LRRC7: variants seen among roughly 807,000 people sequenced by gnomAD.
The protein encoded by LRRC7 is leucine-rich repeat-containing protein 7.
LRRC7 carries 23 observed loss-of-function variants against 175.7 expected under a neutral mutation model. The observed-to-expected ratio is 0.13, with a 90% CI of 0.09 to 0.19. The LOEUF is 0.19. Ranked by LOEUF, LRRC7 falls within the 10% of genes least tolerant of loss-of-function variation. LRRC7 has a pLI of 1.00. For synonymous variants in LRRC7, 685 were observed against 680.9 expected (o/e 1.01, Z -0.09); for missense variants, 1,354 against 1,904.7 (o/e 0.71, Z 5.38).
chr1:69,670,493 A>C (rs577721238), intron 1 of LRRC7, among the ~76,000 whole-genome samples: 2 of 152,198 alleles, frequency 1.3e-5, no homozygotes, highest in African/African-American at 4.8e-5. Flanking sequence ...ACTGGGCCTC[A>C]CTGTAACCAC....
At chr1:69,719,757 C>CA (rs1201643614) in intron 2 of LRRC7, among the ~76,000 whole-genome samples, 1 of 151,300 alleles carries the variant, frequency 6.6e-6, no homozygotes, top group African/African-American at 2.4e-5. Context: ...TCAAACAATA[C>CA]AAAAAAGTAT....
intron 7 of LRRC7, among the ~76,000 whole-genome samples, chr1:69,913,833 A>C (rs1557881699): frequency 1.3e-5 from 2 of 152,142 alleles, no homozygotes; most frequent in Non-Finnish European, 2.9e-5. Context: ...TTTTTAAAGA[A>C]TATAAAATCC....
rs1666811555 is a variant in LRRC7, at chr1:70,135,070, T to G, written c.*13183T>G. Among the ~76,000 whole-genome samples, 1 of 152,262 alleles carries G rather than the reference T, an allele frequency of 6.6e-6. No individual in the cohort carries two copies. The highest frequency in any genetic ancestry group is 1.5e-5 in the Non-Finnish European group (1 of 68,042). ...CTGAAGAGTATAAGAGAAAACGTCT[T>G]GAAAGTTTGTATGTATGTATTCCAG... On this transcript the variant is annotated 3_prime_UTR_variant, in exon 27 of 27. Transcript: ENST00000651989.
chr1:69,710,009 G>A (rs1260187270), intron 2 of LRRC7, among the ~76,000 whole-genome samples: 2 of 152,094 alleles, frequency 1.3e-5, no homozygotes, highest in African/African-American at 4.8e-5. Context: ...CCGGTGTGGT[G>A]TCTTACACCT....
At chr1:69,921,707 C>T (rs942593895) in intron 7 of LRRC7, among the ~76,000 whole-genome samples, 2 of 152,158 alleles carry the variant, frequency 1.3e-5, no homozygotes, top group Non-Finnish European at 2.9e-5. Flanking sequence ...CCCCATTGCC[C>T]ACATCATTCC....
intron 8 of LRRC7, among the ~76,000 whole-genome samples, chr1:69,934,350 TA>T: frequency 6.6e-6 from 1 of 152,122 alleles, no homozygotes; most frequent in African/African-American, 2.4e-5. Flanking sequence ...ATGTCCCAAA[TA>T]AGATTCAGAG....
At chr1:69,942,988 T>C (rs1322005568) in intron 8 of LRRC7, among the ~76,000 whole-genome samples, 1 of 152,174 alleles carries the variant, frequency 6.6e-6, no homozygotes, top group Non-Finnish European at 1.5e-5. Context: ...CGATTTTTTT[T>C]AGCTTATCAG....
rs1032253325 is a variant in LRRC7 at position 70,129,179 on chromosome 1, G to A, written c.*7292G>A. On this transcript the variant is annotated 3_prime_UTR_variant, in exon 27 of 27. Transcript: ENST00000651989. The stretch of plus-strand genomic sequence containing the variant: ...GGAGAATTGCTTCAACCCAGCAGGC[G>A]GAGGTTGCAGTGAGCTGAGATGGCG... Among the ~76,000 whole-genome samples the A allele has an allele frequency of 6.6e-5, 10 of 151,816 alleles. No homozygotes were observed. Among genetic ancestry groups the A allele is most frequent in the East Asian group, 1.9e-4 (1 of 5,156 alleles).
In LRRC7 at chr1:70,128,774, A is replaced by C. The variant is rs925076988; in HGVS notation, c.*6887A>C. On this transcript the variant is annotated 3_prime_UTR_variant, in exon 27 of 27. Coordinates refer to ENST00000651989, the MANE Select transcript of LRRC7 (RefSeq NM_001370785.2). The stretch of plus-strand genomic sequence containing the variant: ...GGAAAGATGAGAGAAGTTCCACATC[A>C]AAGACAGTACAAGGCAATGTGGTGA... 2 of 152,246 alleles carry C rather than the reference A, an allele frequency of 1.3e-5. No individual in the cohort carries two copies. Among genetic ancestry groups the C allele is most frequent in the Admixed American group, 6.5e-5 (1 of 15,284 alleles). The allele number at this position is 152,246 out of a possible 1,614,324, so 9.4% of individuals were successfully genotyped here.
intron 10 of LRRC7, among the ~76,000 whole-genome samples, chr1:69,989,787 A>G (rs1273963400): frequency 1.3e-5 from 2 of 152,166 alleles, no homozygotes; most frequent in African/African-American, 2.4e-5. Flanking sequence ...TAATAAATGC[A>G]TACACATAGT....
chr1:69,953,609 C>G (rs539149517), intron 8 of LRRC7, among the ~76,000 whole-genome samples: 1 of 152,156 alleles, frequency 6.6e-6, no homozygotes, highest in East Asian at 1.9e-4. Context: ...TTCCTGTTTT[C>G]CCTGAAACCA....
chr1:69,790,033 A>G (rs74087723), intron 3 of LRRC7, among the ~76,000 whole-genome samples: 522 of 152,180 alleles, frequency 3.4e-3, no homozygotes, highest in African/African-American at 0.012. Context: ...CTTAAAAATC[A>G]TAACTTACTC....
At chr1:69,781,735 G>GAAAGGAAGGAAGGA (rs774259601) in intron 3 of LRRC7, among the ~76,000 whole-genome samples, 1 of 28,634 alleles carries the variant, frequency 3.5e-5, no homozygotes, top group Non-Finnish European at 5.7e-5. Context: ...AAGAAAGAAA[G>GAAAGGAAGGAAGGA]AGAGAGAGAG....
intron 24 of LRRC7, among the ~76,000 whole-genome samples, chr1:70,082,781 ATTTTTTTTTTTT>A (rs1172403797): frequency 2.3e-4 from 12 of 52,308 alleles, no homozygotes; most frequent in South Asian, 8.4e-4. Context: ...ATACCAGTAC[ATTTTTTTTTTTT>A]TTTTTTTTTT....
chr1:69,663,714 T>G (rs1287383161), intron 1 of LRRC7, among the ~76,000 whole-genome samples: 1 of 124,602 alleles, frequency 8.0e-6, no homozygotes, highest in Non-Finnish European at 1.7e-5. Context: ...TTTTTTTTTT[T>G]TTTTTTTTTT....
At chr1:69,870,518 A>G (rs1034131248) in intron 7 of LRRC7, among the ~76,000 whole-genome samples, 4 of 152,050 alleles carry the variant, frequency 2.6e-5, no homozygotes, top group African/African-American at 9.7e-5. Flanking sequence ...ACAAAAGGCA[A>G]ATTGTTTCAT....
intron 5 of LRRC7, among the ~76,000 whole-genome samples, chr1:69,829,280 T>C (rs1432513831): frequency 6.6e-6 from 1 of 151,896 alleles, no homozygotes; most frequent in Non-Finnish European, 1.5e-5. Context: ...TCAATACATG[T>C]GCTCAACTGC....
intron 1 of LRRC7, among the ~76,000 whole-genome samples, chr1:69,600,871 G>A (rs1330686017): frequency 5.1e-5 from 6 of 118,310 alleles, no homozygotes; most frequent in East Asian, 5.8e-4. Context: ...GAGTGCAATC[G>A]CACGCTCTCG....
At chr1:69,572,375 A>G (rs1428771093) in intron 1 of LRRC7, among the ~76,000 whole-genome samples, 1 of 152,156 alleles carries the variant, frequency 6.6e-6, no homozygotes, top group Non-Finnish European at 1.5e-5. Context: ...AAGCTATTGT[A>G]ATTAAATCAA....
Sources: allele counts gnomAD v4.1 joint callset (sites outside exome capture counted in the v4.1 genomes callset), GRCh38; gene constraint gnomAD v4.1.1; transcripts MANE v1.5; gene names NCBI Gene and HGNC (gene_info 2026-07-23, HGNC 2026-07-21).